DNAJC10: variants seen among roughly 807,000 people sequenced by gnomAD.
The protein encoded by DNAJC10 is endoplasmic reticulum disulfide reductase DNAJC10.
Under a neutral mutation model 115.0 loss-of-function variants are expected in DNAJC10, and 101 were observed. That is an observed-to-expected ratio of 0.88 (90% CI 0.75 to 1.04). The LOEUF (loss-of-function observed/expected upper bound fraction) is 1.04, where lower values mean the gene tolerates loss of function less well. Among genes scored for constraint, DNAJC10 ranks in the 50% least tolerant of loss-of-function variants. The pLI, the probability that DNAJC10 is intolerant of heterozygous loss-of-function variation, is 0.00. For synonymous variants in DNAJC10, 307 were observed against 301.5 expected (o/e 1.02, Z -0.19); for missense variants, 981 against 928.8 (o/e 1.06, Z -0.73).
intron 21 of DNAJC10, among the ~76,000 whole-genome samples, 197 bp downstream of exon 21, chr2:182,759,504 C>A (rs189613636): frequency 6.6e-6 from 1 of 152,028 alleles, no homozygotes; most frequent in Non-Finnish European, 1.5e-5. Flanking sequence ...CTAACATCTT[C>A]TCTATCTTGG....
rs373979148 is a variant in DNAJC10 at position 182,758,890 on chromosome 2, G to A, written c.1997G>A (p.Gly666Glu). Residue 666 changes from glycine to glutamate, a missense_variant and splice_region_variant, in exon 20 of 24, where the codon GGA becomes GAA. Physicochemically the swap from Gly to Glu is moderately conservative, Grantham distance 98. Transcript: ENST00000264065. ...DAYSLRIWGL[G>E]FLPQVSTDLT... ...TATTCCCTGAGAATCTGGGGTCTAG[G>A]GTGAGTAATTAAAATATATATCATT... The A allele has an allele frequency of 6.3e-7, 1 of 1,592,326 alleles. No individual in the cohort carries two copies. Among genetic ancestry groups the A allele is most frequent in the African/African-American group, 1.3e-5 (1 of 74,462 alleles).
At chr2:182,754,950 A>T (rs1694118599) in intron 16 of DNAJC10, 53 bp from the exon 17 acceptor site, 4 of 1,375,512 alleles carry the variant, frequency 2.9e-6, no homozygotes, top group Non-Finnish European at 2.0e-6. Flanking sequence ...ATAAATTTGT[A>T]ACAAATAGGT....
At position 182,784,340 on chromosome 2, in the gene DNAJC10, CAAA is replaced by C. The variant is rs1015058863; in HGVS notation, c.*7214_*7216del. 6.6e-6 allele frequency: 1 copy of C among 151,618 alleles called. No individual in the cohort carries two copies. The highest frequency in any genetic ancestry group is 1.5e-5 in the Non-Finnish European group (1 of 67,876). The allele number at this position is 151,618 out of a possible 1,614,324, so 9.4% of individuals were successfully genotyped here. On this transcript the variant is annotated 3_prime_UTR_variant, in exon 24 of 24. Transcript: ENST00000264065. ...CCCTGTCTAAAAAAAAACAAAACAA[CAAA>C]AAAAATCATTTTGTTGGTATTTTAT...
chr2:182,717,119 C>T (rs1038567150), intron 2 of DNAJC10, 47 bp downstream of exon 2: 1 of 152,080 alleles, frequency 6.6e-6, no homozygotes, highest in African/African-American at 2.4e-5. Flanking sequence ...AAATGAAAAA[C>T]AGAAATGAGG....
intron 8 of DNAJC10, chr2:182,730,679 G>T: frequency 5.6e-6 from 2 of 360,070 alleles, no homozygotes; most frequent in South Asian, 2.3e-5. Flanking sequence ...TGGGGAACTG[G>T]CAATACTTCA....
At chr2:182,775,266 G>C (rs1414330879) in intron 22 of DNAJC10, 50 bp from the exon 23 acceptor site, 2 of 1,178,696 alleles carry the variant, frequency 1.7e-6, no homozygotes, top group Non-Finnish European at 2.5e-6. Flanking sequence ...AGGTGGAAAT[G>C]TTATGTTTTT....
rs61748254 is a variant in DNAJC10, at chr2:182,752,186, A to C, written c.1549A>C (p.Met517Leu). The change falls in exon 16 of 24, where the codon ATG becomes CTG. Residue 517 changes from methionine to leucine, a missense_variant and splice_region_variant. By Grantham distance (15) the Met-to-Leu change is conservative. Coordinates refer to ENST00000264065, the MANE Select transcript of DNAJC10 (RefSeq NM_018981.4). ...DCTVHEGLCN[M>L]YNIQAYPTTV... ...TACAGTTCATGAGGGACTCTGTAAC[A>C]TGGTAAGGCAAAGTATCAAAAATTA... The C allele has an allele frequency of 0.019, 27,975 of 1,459,338 alleles. 341 individuals carry two copies. The highest frequency in any genetic ancestry group is 0.023 in the Non-Finnish European group (25,176 of 1,077,294). 90.4% of individuals were successfully genotyped at this position (1,459,338 alleles called of 1,614,324 possible). A position where few individuals can be genotyped will look rare whatever the true frequency, so the allele number is the denominator to read the frequency against.
At chr2:182,769,096 A>G (rs964010816) in intron 22 of DNAJC10, among the ~76,000 whole-genome samples, 2 of 151,994 alleles carry the variant, frequency 1.3e-5, no homozygotes, top group East Asian at 1.9e-4. Context: ...TGTCCTTGTG[A>G]TAGTTTGCTG....
In DNAJC10 at chr2:182,788,709, T is replaced by C. The variant is rs765238171; in HGVS notation, c.*11577T>C. ...TCCCACAGCACAAGTAACGTCTATT[T>C]ATCTCAGAGGAAATCCAGGGAAGTT... On this transcript the variant is annotated 3_prime_UTR_variant, in exon 24 of 24. Coordinates refer to ENST00000264065, the MANE Select transcript of DNAJC10 (RefSeq NM_018981.4). 9.5e-6 allele frequency: 4 copies of C among 422,170 alleles called. No individual in the cohort carries two copies. Among genetic ancestry groups the C allele is most frequent in the Non-Finnish European group, 1.9e-5 (4 of 214,896 alleles). 26.2% of individuals were successfully genotyped at this position (422,170 alleles called of 1,614,324 possible). A position where few individuals can be genotyped will look rare whatever the true frequency, so the allele number is the denominator to read the frequency against.
chr2:182,770,272 T>G (rs1694526139), intron 22 of DNAJC10, among the ~76,000 whole-genome samples: 1 of 152,210 alleles, frequency 6.6e-6, no homozygotes, highest in African/African-American at 2.4e-5. Context: ...TTGTTCTTTT[T>G]GCTTAGGATT....
intron 19 of DNAJC10, 67 bp from the exon 20 acceptor site, chr2:182,758,770 G>C (rs1694218785): frequency 8.9e-7 from 1 of 1,118,650 alleles, no homozygotes; most frequent in Non-Finnish European, 1.3e-6. Context: ...GCTACAATAA[G>C]ATTGTTTTCT....
intron 14 of DNAJC10, among the ~76,000 whole-genome samples, chr2:182,747,039 G>T (rs1693886117): frequency 6.6e-6 from 1 of 152,134 alleles, no homozygotes; most frequent in African/African-American, 2.4e-5. Context: ...TCAGATAGTT[G>T]TATATATGCG....
chr2:182,791,155 A>G lies in DNAJC10; in HGVS notation c.*14023A>G, dbSNP rs1256590282. On this transcript the variant is annotated 3_prime_UTR_variant, in exon 24 of 24. Coordinates refer to ENST00000264065, the MANE Select transcript of DNAJC10 (RefSeq NM_018981.4). ...TCAGAAGTAGGGCAATTCATTCATT[A>G]TGAGATCAAGCCATAAAATTTAAAT... The G allele has an allele frequency of 6.6e-6, 1 of 152,174 alleles. No homozygotes were observed. The highest frequency in any genetic ancestry group is 6.5e-5 in the Admixed American group (1 of 15,282). 9.4% of individuals were successfully genotyped at this position (152,174 alleles called of 1,614,324 possible).
Position 182,783,643 on chromosome 2 carries a change from C to A in DNAJC10, c.*6511C>A, listed in dbSNP as rs1023773000. On this transcript the variant is annotated 3_prime_UTR_variant, in exon 24 of 24. Transcript: ENST00000264065. ...TTATCTTTACCAGTCTGTAACCCAGCTTTCTTGTTTTATATTTTAAATATA... is the reference window on the plus strand; with the variant it reads ...TTATCTTTACCAGTCTGTAACCCAGATTTCTTGTTTTATATTTTAAATATA... 5 of 152,010 alleles carry A rather than the reference C, an allele frequency of 3.3e-5. No homozygotes were observed. Among genetic ancestry groups the A allele is most frequent in the Non-Finnish European group, 7.4e-5 (5 of 68,012 alleles). The allele number at this position is 152,010 out of a possible 1,614,324, so 9.4% of individuals were successfully genotyped here. A position where few individuals can be genotyped will look rare whatever the true frequency, so the allele number is the denominator to read the frequency against.
intron 4 of DNAJC10, among the ~76,000 whole-genome samples, chr2:182,721,630 G>C (rs1310025247): frequency 1.3e-5 from 2 of 152,012 alleles, no homozygotes; most frequent in Non-Finnish European, 2.9e-5. Flanking sequence ...CCTGGTTTTC[G>C]ATATTGTGCT....
In DNAJC10 at chr2:182,761,286, A is replaced by G. The variant is rs563417194; in HGVS notation, c.2146-1396A>G. Among the ~76,000 whole-genome samples the G allele has an allele frequency of 6.8e-4, 103 of 152,328 alleles. 1 individual carries two copies. The highest frequency in any genetic ancestry group is 2.4e-3 in the African/African-American group (99 of 41,580). On this transcript the variant is annotated intron_variant, in intron 21 of 23. Transcript: ENST00000264065. ...AGAGCACCAGAAACAGTATGGTGCC[A>G]TCTCATAAGTAATTGGAAATACAAG...
chr2:182,743,581 A>C lies in DNAJC10; in HGVS notation c.1192-17A>C. The C allele has an allele frequency of 6.4e-7, 1 of 1,551,122 alleles. No individual in the cohort carries two copies. Among genetic ancestry groups the C allele is most frequent in the South Asian group, 1.1e-5 (1 of 89,026 alleles). On this transcript the variant is annotated splice_polypyrimidine_tract_variant and intron_variant, in intron 13 of 23. Transcript: ENST00000264065. ...TAAGACAGTGTTTTTATCAAATTTG[A>C]CCTTTTTCTCCTTTAGGTTGGCAGG...
intron 4 of DNAJC10, among the ~76,000 whole-genome samples, chr2:182,721,120 C>T (rs1693139656): frequency 6.6e-6 from 1 of 152,088 alleles, no homozygotes; most frequent in South Asian, 2.1e-4. Flanking sequence ...CAGTGTTTCT[C>T]CTAGTCATTA....
At chr2:182,719,946 T>C in intron 3 of DNAJC10, 61 bp from the exon 4 acceptor site, 1 of 1,029,728 alleles carries the variant, frequency 9.7e-7, no homozygotes, top group Non-Finnish European at 1.4e-6. Flanking sequence ...ACATATATGT[T>C]TTGAAGAAAC....
Sources: allele counts gnomAD v4.1 joint callset (sites outside exome capture counted in the v4.1 genomes callset), GRCh38; gene constraint gnomAD v4.1.1; transcripts MANE v1.5; gene names NCBI Gene and HGNC (gene_info 2026-07-23, HGNC 2026-07-21).